NUP205: variants seen among roughly 807,000 people sequenced by gnomAD.
NUP205 encodes the protein nuclear pore complex protein Nup205.
A neutral mutation model predicts 253.8 loss-of-function variants in NUP205; 76 were observed. The observed-to-expected ratio is 0.30, with a 90% CI of 0.25 to 0.36. The LOEUF (loss-of-function observed/expected upper bound fraction) is 0.36. Among genes scored for constraint, NUP205 ranks in the 10% least tolerant of loss-of-function variants. NUP205 has a pLI of 1.00. For synonymous variants in NUP205, 832 were observed against 850.1 expected, an observed-to-expected ratio of 0.98 and a Z score of 0.37; for missense variants, 2,162 against 2,425.5, an observed-to-expected ratio of 0.89 and a Z score of 2.28.
At chr7:135,622,543 C>T (rs1794495888) in intron 30 of NUP205, among the ~76,000 whole-genome samples, 1 of 151,762 alleles carries the variant, frequency 6.6e-6, no homozygotes. Context: ...TTTCCAGGTA[C>T]AATTATTATC....
At chr7:135,642,035 A>G (rs1465179438) in intron 38 of NUP205, among the ~76,000 whole-genome samples, 2 of 151,804 alleles carry the variant, frequency 1.3e-5, no homozygotes, top group East Asian at 1.9e-4. Context: ...CGGGTGGATC[A>G]CCTGAGGTAA....
intron 1 of NUP205, among the ~76,000 whole-genome samples, chr7:135,566,267 C>G (rs527977367): frequency 1.3e-5 from 2 of 152,022 alleles, no homozygotes; most frequent in South Asian, 4.2e-4. Context: ...CATCATTGCA[C>G]CTGGCTAATT....
chr7:135,558,915 G>A (rs904367243), intron 1 of NUP205, among the ~76,000 whole-genome samples: 4 of 152,154 alleles, frequency 2.6e-5, no homozygotes, highest in Non-Finnish European at 4.4e-5. Flanking sequence ...TTTTCCACAG[G>A]ACTGATATTC....
Position 135,617,232 on chromosome 7 carries a change from A to AG in NUP205, c.3676dup (p.Val1226GlyfsTer9). ...AACACAAGAATTTACGGGGACAGAC[A>AG]GTCTGCAATGTCAAGGTGAGGATTG... On this transcript the variant is annotated frameshift_variant, in exon 26 of 43. Coordinates refer to ENST00000285968, the MANE Select transcript of NUP205 (RefSeq NM_015135.3). LOFTEE classifies it high-confidence loss of function. The AG allele has an allele frequency of 6.2e-7, 1 of 1,613,752 alleles. No individual in the cohort carries two copies. The highest frequency in any genetic ancestry group is 8.5e-7 in the Non-Finnish European group (1 of 1,179,784).
At chr7:135,623,594 G>T (rs1437847504) in intron 31 of NUP205, among the ~76,000 whole-genome samples, 3 of 152,158 alleles carry the variant, frequency 2.0e-5, no homozygotes. Context: ...GCTTTGTGGA[G>T]AATTTGTATT....
intron 1 of NUP205, among the ~76,000 whole-genome samples, chr7:135,562,554 T>C (rs1460390177): frequency 1.4e-5 from 2 of 145,390 alleles, no homozygotes; most frequent in East Asian, 2.0e-4. Context: ...CCTTTTTTTT[T>C]TTTTTTTTTT....
At chr7:135,612,558 G>A (rs148933556) in intron 22 of NUP205, among the ~76,000 whole-genome samples, 20 of 152,236 alleles carry the variant, frequency 1.3e-4, no homozygotes, top group African/African-American at 2.9e-4. Flanking sequence ...TGCAAAAAAC[G>A]TGGCACTAAA....
chr7:135,570,050 TATAGAGAGAGAG>T (rs1238098206), intron 1 of NUP205, among the ~76,000 whole-genome samples: 992 of 88,826 alleles, frequency 0.011, 4 homozygotes, highest in Non-Finnish European at 0.016. Context: ...TATATATATA[TATAGAGAGAGAG>T]AGAGAGAGAG....
intron 31 of NUP205, 53 bp from the exon 32 acceptor site, chr7:135,625,111 G>A (rs1374898798): frequency 1.5e-6 from 2 of 1,367,780 alleles, no homozygotes; most frequent in Non-Finnish European, 2.0e-6. Flanking sequence ...AGTTACTGTT[G>A]TTGATTTTGG....
chr7:135,635,391 G>C, intron 35 of NUP205, 190 bp from the exon 36 acceptor site: 1 of 375,872 alleles, frequency 2.7e-6, no homozygotes, highest in Non-Finnish European at 4.8e-6. Flanking sequence ...GAATGCGCAT[G>C]TACCGGTGCT....
In NUP205 at chr7:135,645,053, C is replaced by T. The variant is rs780087762; in HGVS notation, c.5683+35C>T. On this transcript the variant is annotated intron_variant, in intron 40 of 42. Transcript: ENST00000285968. ...ATGAAATCATGCACTTGAATGATGA[C>T]CTTGAAATATAGGAACTGTTCACTT... The T allele has an allele frequency of 1.6e-5, 26 of 1,610,962 alleles. No individual in the cohort carries two copies. The Admixed American group carries it at 4.2e-4, about 26-fold the overall frequency.
At position 135,618,611 on chromosome 7, in the gene NUP205, A is replaced by G. The variant is rs1464655330; in HGVS notation, c.3963+8A>G. The G allele has an allele frequency of 6.4e-7, 1 of 1,571,770 alleles. No individual in the cohort carries two copies. The highest frequency in any genetic ancestry group is 2.2e-5 in the East Asian group (1 of 44,590). On this transcript the variant is annotated splice_region_variant and intron_variant, in intron 28 of 42. Coordinates refer to ENST00000285968, the MANE Select transcript of NUP205 (RefSeq NM_015135.3). ...CAAGATGTGCATGATAAGGTGACGT[A>G]CTTCCTAAAATACTTTATACTGCTG...
At chr7:135,642,212 A>G (rs912855021) in intron 38 of NUP205, among the ~76,000 whole-genome samples, 2 of 151,708 alleles carry the variant, frequency 1.3e-5, no homozygotes, top group African/African-American at 4.8e-5. Context: ...CCGAGATCGA[A>G]CCACTGTACT....
At chr7:135,615,804 TA>T (rs1794343880) in intron 23 of NUP205, 111 bp from the exon 24 acceptor site, 3 of 586,584 alleles carry the variant, frequency 5.1e-6, no homozygotes, top group Middle Eastern at 4.9e-4. Context: ...CTGAGTTTCA[TA>T]AATTATTGAC....
chr7:135,578,074 T>G, intron 6 of NUP205, 50 bp downstream of exon 6: 1 of 1,357,420 alleles, frequency 7.4e-7, no homozygotes, highest in Non-Finnish European at 1.1e-6. Flanking sequence ...GATTTAAAAT[T>G]GTGGGGATAA....
rs532403587 is a variant in NUP205 at position 135,601,303 on chromosome 7, A to C, written c.2375-67A>C. On this transcript the variant is annotated intron_variant, in intron 16 of 42. Transcript: ENST00000285968. ...CTAATTTACAAGTCTCATACATTTC[A>C]TATAAATCAAGGGTGTGACAAAAAT... The C allele has an allele frequency of 3.5e-4, 490 of 1,388,090 alleles. 7 individuals are homozygous for C. In the South Asian group the frequency reaches 6.1e-3, roughly 17 times the overall value. The allele number at this position is 1,388,090 out of a possible 1,614,324, so 86.0% of individuals were successfully genotyped here.
chr7:135,625,583 A>G (rs980284425), intron 32 of NUP205, among the ~76,000 whole-genome samples: 2 of 152,198 alleles, frequency 1.3e-5, no homozygotes, highest in Non-Finnish European at 2.9e-5. Context: ...TCACTCACTC[A>G]GGTTGCTCAT....
At chr7:135,580,008 T>C (rs957483276) in intron 7 of NUP205, among the ~76,000 whole-genome samples, 4 of 152,180 alleles carry the variant, frequency 2.6e-5, no homozygotes, top group African/African-American at 9.7e-5. Context: ...CTATTTACAT[T>C]TACATTATTT....
At chr7:135,599,206 G>T (rs868585471) in intron 15 of NUP205, among the ~76,000 whole-genome samples, 20 of 152,062 alleles carry the variant, frequency 1.3e-4, no homozygotes, top group Middle Eastern at 3.2e-3. Flanking sequence ...GCATCATGGG[G>T]ATTTTTTTCA....
Sources: allele counts gnomAD v4.1 joint callset (sites outside exome capture counted in the v4.1 genomes callset), GRCh38; gene constraint gnomAD v4.1.1; transcripts MANE v1.5; gene names NCBI Gene and HGNC (gene_info 2026-07-23, HGNC 2026-07-21).